IDH3A: variants seen among roughly 807,000 people sequenced by gnomAD.
IDH3A encodes isocitrate dehydrogenase (NAD(+)) 3 catalytic subunit alpha.
Under a neutral mutation model 43.3 loss-of-function variants are expected in IDH3A, and 23 were observed. That is an observed-to-expected ratio of 0.53 (90% CI 0.38 to 0.75). The LOEUF (loss-of-function observed/expected upper bound fraction) is 0.75. Among genes scored for constraint, IDH3A ranks in the 30% least tolerant of loss-of-function variants. IDH3A has a pLI of 0.00. For synonymous variants in IDH3A, 154 were observed against 163.5 expected, an observed-to-expected ratio of 0.94 and a Z score of 0.44; for missense variants, 329 against 474.4, an observed-to-expected ratio of 0.69 and a Z score of 2.85.
chr15:78,153,290 T>C (rs1235192447), intron 1 of IDH3A, among the ~76,000 whole-genome samples: 2 of 152,234 alleles, frequency 1.3e-5, no homozygotes, highest in African/African-American at 4.8e-5. Context: ...AGACAGGGTC[T>C]CACTTTGTTG....
chr15:78,164,249 T>TTCCC (rs1489441153), intron 8 of IDH3A, among the ~76,000 whole-genome samples: 2 of 151,704 alleles, frequency 1.3e-5, no homozygotes, highest in African/African-American at 2.4e-5. Flanking sequence ...CCTTCCCACT[T>TTCCC]TCCCTCCCTT....
rs758926532 is a variant in IDH3A, at chr15:78,157,634, A to G, written c.174+3A>G. On this transcript the variant is annotated splice_donor_region_variant and intron_variant, in intron 3 of 10. Transcript: ENST00000299518. ...TGAAGATTTTTGATGCTGCCAAAGT[A>G]AGTGGGCTTAAAAAATACATTTAAT... The G allele has an allele frequency of 6.2e-7, 1 of 1,601,748 alleles. No homozygotes were observed. The highest frequency in any genetic ancestry group is 1.1e-5 in the South Asian group (1 of 89,888).
At chr15:78,162,545 G>GT (rs34495427) in intron 6 of IDH3A, among the ~76,000 whole-genome samples, 178 bp downstream of exon 6, 2,623 of 120,166 alleles carry the variant, frequency 0.022, 49 homozygotes, top group African/African-American at 0.03. Flanking sequence ...TTTCTCCTCT[G>GT]TTTTTTTTTT....
chr15:78,171,493 T>C lies in IDH3A; in HGVS notation c.*2488T>C. ...GGAGTCAATGATACCTTTGTACTTC[T>C]CCAAAACTGTGAGCCGTTTCAGTTT... On this transcript the variant is annotated 3_prime_UTR_variant, in exon 11 of 11. Coordinates refer to ENST00000299518, the MANE Select transcript of IDH3A (RefSeq NM_005530.3). The C allele has an allele frequency of 1.1e-5, 17 of 1,614,198 alleles. No individual in the cohort carries two copies. Among genetic ancestry groups the C allele is most frequent in the Non-Finnish European group, 1.4e-5 (16 of 1,180,008 alleles).
chr15:78,166,427 G>A lies in IDH3A; in HGVS notation c.1017+125G>A, dbSNP rs1236353320. 47 of 970,244 alleles carry A rather than the reference G, an allele frequency of 4.8e-5. No homozygotes were observed. The East Asian group carries it at 5.5e-4, about 11-fold the overall frequency. The allele number at this position is 970,244 out of a possible 1,614,324, so 60.1% of individuals were successfully genotyped here. The stretch of plus-strand genomic sequence containing the variant: ...GGCCCAAGCATTTGATGTTGAACAA[G>A]GATTCTTAACGTGGGTCCCAGATTG... On this transcript the variant is annotated intron_variant, in intron 10 of 10. Transcript: ENST00000299518.
Position 78,171,681 on chromosome 15 carries a change from G to A in IDH3A, c.*2676G>A, listed in dbSNP as rs1203559456. ...GTAGCCAGCCTCCAAGACAGTGATC[G>A]CTCCTGGTATTCATATGGCTTGTGT... On this transcript the variant is annotated 3_prime_UTR_variant, in exon 11 of 11. Coordinates refer to ENST00000299518, the MANE Select transcript of IDH3A (RefSeq NM_005530.3). The A allele has an allele frequency of 8.1e-6, 5 of 613,688 alleles. No individual in the cohort carries two copies. The highest frequency in any genetic ancestry group is 5.5e-5 in the African/African-American group (3 of 54,146). The allele number at this position is 613,688 out of a possible 1,614,324, so 38.0% of individuals were successfully genotyped here.
Position 78,161,873 on chromosome 15 carries a change from T to C in IDH3A, c.477+105T>C. ...TATCTCTGTGAGGAGTTGTGGGTGT[T>C]TGTCTTGGTGCTGGGTGTCTGGCTG... On this transcript the variant is annotated intron_variant, in intron 5 of 10. Coordinates refer to ENST00000299518, the MANE Select transcript of IDH3A (RefSeq NM_005530.3). This position sits in a 1 kb window ranked among gnomAD's most constrained non-coding sequence, Gnocchi z 4.8. The C allele has an allele frequency of 9.9e-7, 1 of 1,014,570 alleles. No individual in the cohort carries two copies. Among genetic ancestry groups the C allele is most frequent in the African/African-American group, 1.6e-5 (1 of 62,460 alleles). 62.8% of individuals were successfully genotyped at this position (1,014,570 alleles called of 1,614,324 possible). A position where few individuals can be genotyped will look rare whatever the true frequency, so the allele number is the denominator to read the frequency against.
At position 78,161,473 on chromosome 15, in the gene IDH3A, T is replaced by G; in HGVS notation, c.290-108T>G. 1 of 781,696 alleles carries G rather than the reference T, an allele frequency of 1.3e-6. No homozygotes were observed. Among genetic ancestry groups the G allele is most frequent in the Non-Finnish European group, 2.1e-6 (1 of 478,148 alleles). The allele number at this position is 781,696 out of a possible 1,614,324, so 48.4% of individuals were successfully genotyped here. On this transcript the variant is annotated intron_variant, in intron 4 of 10. Transcript: ENST00000299518. This position sits in a 1 kb window ranked among gnomAD's most constrained non-coding sequence, Gnocchi z 4.8. ...CTTCATTTGAATCTCAGGTAGAGAG[T>G]GAACTAGAGGCAGAACACATTTCAC...
intron 2 of IDH3A, 30 bp from the exon 3 acceptor site, chr15:78,157,518 C>T: frequency 6.7e-7 from 1 of 1,500,378 alleles, no homozygotes. Context: ...AAAATTCTTA[C>T]TGTCTTCTTT....
chr15:78,151,534 C>T (rs2074574899), intron 1 of IDH3A: 1 of 151,382 alleles, frequency 6.6e-6, no homozygotes, highest in Non-Finnish European at 1.5e-5. Context: ...GGAGATCATG[C>T]TCCTACCTGG....
At position 78,166,886 on chromosome 15, in the gene IDH3A, C is replaced by T. The variant is rs192264139; in HGVS notation, c.1017+584C>T. Among the ~76,000 whole-genome samples, 1,093 of 151,102 alleles carry T rather than the reference C, an allele frequency of 7.2e-3. 5 individuals are homozygous for T. The highest frequency in any genetic ancestry group is 0.021 in the Middle Eastern group (6 of 292). ...AGCTCAAGTGATCCTCCCGCCCCAG[C>T]CTCCCAAAGTGCTGGGATTACAGGC... On this transcript the variant is annotated intron_variant, in intron 10 of 10. Transcript: ENST00000299518.
chr15:78,166,274 C>T lies in IDH3A; in HGVS notation c.989C>T (p.Ala330Val), dbSNP rs200318715. The change falls in exon 10 of 11, where the codon GCG becomes GTG. Residue 330 changes from alanine to valine, a missense_variant. By Grantham distance (64) the Ala-to-Val change is moderately conservative. This residue lies in a region of IDH3A where 91 missense variants were observed against 111.6 expected (regional missense o/e 0.82). Transcript: ENST00000299518. ...LFDHAARIEA[A>V]CFATIKDGKS... Reference sequence around the variant, plus strand: ...GACCATGCTGCAAGAATTGAGGCTGCGTGTTTTGCTACAATTAAGGACGGA... The same window carrying T: ...GACCATGCTGCAAGAATTGAGGCTGTGTGTTTTGCTACAATTAAGGACGGA... The T allele has an allele frequency of 4.9e-5, 79 of 1,613,952 alleles. No homozygotes were observed. The highest frequency in any genetic ancestry group is 4.1e-5 in the Non-Finnish European group (48 of 1,180,022).
At chr15:78,159,837 A>T (rs2074662506) in intron 3 of IDH3A, 1 of 357,792 alleles carries the variant, frequency 2.8e-6, no homozygotes, top group Non-Finnish European at 5.3e-6. Context: ...CAAAAAAAAT[A>T]CAAAAAAATT....
rs138704770 is a variant in IDH3A, at chr15:78,170,293, C to T, written c.*1288C>T. 4 of 152,244 alleles carry T rather than the reference C, an allele frequency of 2.6e-5. No homozygotes were observed. The highest frequency in any genetic ancestry group is 9.6e-5 in the African/African-American group (4 of 41,538). 9.4% of individuals were successfully genotyped at this position (152,244 alleles called of 1,614,324 possible). A position where few individuals can be genotyped will look rare whatever the true frequency, so the allele number is the denominator to read the frequency against. ...CCCCACAACCAAAGACAACTCATGGCCTCCTTTGGCCCTTGTGTAACATTG... is the reference window on the plus strand; with the variant it reads ...CCCCACAACCAAAGACAACTCATGGTCTCCTTTGGCCCTTGTGTAACATTG... On this transcript the variant is annotated 3_prime_UTR_variant, in exon 11 of 11. Transcript: ENST00000299518.
At chr15:78,153,337 A>G (rs2074594994) in intron 1 of IDH3A, among the ~76,000 whole-genome samples, 1 of 152,224 alleles carries the variant, frequency 6.6e-6, no homozygotes, top group East Asian at 1.9e-4. Context: ...TCACAAGGAC[A>G]TGAGTTTTGT....
intron 1 of IDH3A, among the ~76,000 whole-genome samples, chr15:78,152,049 ATTTTTTTTTTTT>A (rs574440056): frequency 1.5e-5 from 1 of 65,776 alleles, no homozygotes; most frequent in Non-Finnish European, 2.7e-5. Context: ...ACTCATGTCA[ATTTTTTTTTTTT>A]TTTTTTTTTT....
At chr15:78,162,060 C>G (rs922603619) in intron 5 of IDH3A, 174 bp from the exon 6 acceptor site, 1 of 672,562 alleles carries the variant, frequency 1.5e-6, no homozygotes, top group Admixed American at 2.6e-5. Context: ...TAATACTTAC[C>G]TCTTAGGGCT....
intron 8 of IDH3A, among the ~76,000 whole-genome samples, 159 bp downstream of exon 8, chr15:78,163,939 T>G (rs1039444849): frequency 8.5e-5 from 13 of 152,238 alleles, no homozygotes; most frequent in African/African-American, 2.7e-4. Context: ...TATGAATGAT[T>G]ACATGTTGGG....
chr15:78,156,871 C>A, intron 2 of IDH3A: 1 of 1,340,580 alleles, frequency 7.5e-7, no homozygotes, highest in Non-Finnish European at 9.9e-7. Flanking sequence ...TCAGGCTTTG[C>A]AGGTATGATG....
Sources: allele counts gnomAD v4.1 joint callset (sites outside exome capture counted in the v4.1 genomes callset), GRCh38; gene constraint gnomAD v4.1.1; regional missense constraint gnomAD v4.1.1; non-coding constraint Gnocchi (gnomAD v3.1); transcripts MANE v1.5; gene names NCBI Gene and HGNC (gene_info 2026-07-23, HGNC 2026-07-21).